Variants in ZNF697 observed in about 807,000 individuals in gnomAD.
ZNF697 encodes the protein zinc finger protein 697.
ZNF697 carries 23 observed loss-of-function variants against 32.4 expected under a neutral mutation model. That is an observed-to-expected ratio of 0.71 (90% confidence interval 0.51 to 1.01). The LOEUF (loss-of-function observed/expected upper bound fraction) is 1.01. Among genes scored for constraint, ZNF697 ranks in the 50% least tolerant of loss-of-function variants. ZNF697 has a pLI of 0.00. For missense variants in ZNF697, 930 were observed against 794.0 expected, an observed-to-expected ratio of 1.17 and a Z score of -2.06; for synonymous variants, 418 against 337.2, an observed-to-expected ratio of 1.24 and a Z score of -2.62.
intron 1 of ZNF697, among the ~76,000 whole-genome samples, chr1:119,630,299 CATT>C (rs1648725219): frequency 6.6e-6 from 1 of 152,258 alleles, no homozygotes; most frequent in Admixed American, 6.5e-5. Context: ...AGGAAGGCAT[CATT>C]GTCAGTTTCA....
rs1338175002 is a variant in ZNF697, at chr1:119,620,293, G to A, written c.*2412C>T. ...ACATTAGCTTCACTCTCCACTCCCT[G>A]TTGAACCCATTCTCTAAAGTTGCTG... On this transcript the variant is annotated 3_prime_UTR_variant, in exon 3 of 3. Transcript: ENST00000421812. 7.2e-5 allele frequency: 11 copies of A among 152,456 alleles called. No homozygotes were observed. The highest frequency in any genetic ancestry group is 2.7e-4 in the African/African-American group (11 of 41,396). 9.4% of individuals were successfully genotyped at this position (152,456 alleles called of 1,614,324 possible).
rs989884552 is a variant in ZNF697, at chr1:119,620,534, A to C, written c.*2171T>G. The C allele has an allele frequency of 6.5e-6, 1 of 152,678 alleles. No homozygotes were observed. Among genetic ancestry groups the C allele is most frequent in the Admixed American group, 6.5e-5 (1 of 15,280 alleles). The allele number at this position is 152,678 out of a possible 1,614,324, so 9.5% of individuals were successfully genotyped here. A position where few individuals can be genotyped will look rare whatever the true frequency, so the allele number is the denominator to read the frequency against. On this transcript the variant is annotated 3_prime_UTR_variant, in exon 3 of 3. Coordinates refer to ENST00000421812, the MANE Select transcript of ZNF697 (RefSeq NM_001080470.2). Reference sequence around the variant, plus strand: ...CCTAGAAATTGGCTATATTATTTTCAGGTGGGTCTAATATGTTTAGTATTC... The same window carrying C: ...CCTAGAAATTGGCTATATTATTTTCCGGTGGGTCTAATATGTTTAGTATTC...
chr1:119,622,843 CT>C lies in ZNF697; in HGVS notation c.1499del (p.Lys500ArgfsTer9). On this transcript the variant is annotated frameshift_variant, in exon 3 of 3. Coordinates refer to ENST00000421812, the MANE Select transcript of ZNF697 (RefSeq NM_001080470.2). LOFTEE classifies it high-confidence loss of function. ...EKPYTCIECG[K>X]SFIQSSHLIR... ...TCAGGTGGGAGCTCTGGATAAAGCT[CT>C]TGCCGCACTCGATGCACGTGTAGGG... 1 of 1,607,672 alleles carries C rather than the reference CT, an allele frequency of 6.2e-7. No homozygotes were observed. Among genetic ancestry groups the C allele is most frequent in the Non-Finnish European group, 8.5e-7 (1 of 1,176,758 alleles).
At chr1:119,624,447 G>T (rs1648511281) in intron 2 of ZNF697, among the ~76,000 whole-genome samples, 1 of 152,184 alleles carries the variant, frequency 6.6e-6, no homozygotes, top group Non-Finnish European at 1.5e-5. Flanking sequence ...TGTGCCAGGT[G>T]GGACACTACG....
Position 119,624,007 on chromosome 1 carries a change from T to C in ZNF697, c.336A>G (p.Ile112Met), listed in dbSNP as rs764047892. Residue 112 changes from isoleucine to methionine, a missense_variant, in exon 3 of 3, where the codon ATA becomes ATG. Ile to Met is a conservative substitution (Grantham distance 10, BLOSUM62 1). Coordinates refer to ENST00000421812, the MANE Select transcript of ZNF697 (RefSeq NM_001080470.2). ...CGTCGTCCTCCCGGAGGCTCCGGGA[T>C]ATGCTGTCAGACTCAGACAGTCCTG... Reference protein sequence around the residue: ...MFPGLSESDSISRSLREDDDE... With the variant: ...MFPGLSESDSMSRSLREDDDE... The C allele has an allele frequency of 4.3e-6, 7 of 1,613,128 alleles. No homozygotes were observed.
intron 1 of ZNF697, among the ~76,000 whole-genome samples, chr1:119,635,113 A>G (rs1270819364): frequency 1.3e-5 from 2 of 152,196 alleles, no homozygotes; most frequent in African/African-American, 2.4e-5. Flanking sequence ...CTACTTTTAT[A>G]TATTTACTAG....
At chr1:119,639,571 C>T (rs587771555) in intron 1 of ZNF697, among the ~76,000 whole-genome samples, 1 of 152,126 alleles carries the variant, frequency 6.6e-6, no homozygotes, top group Admixed American at 6.6e-5. Flanking sequence ...GCAGCAGCAC[C>T]TGTAATGGTT....
intron 1 of ZNF697, among the ~76,000 whole-genome samples, chr1:119,629,741 T>G (rs919869824): frequency 1.3e-5 from 2 of 152,100 alleles, no homozygotes; most frequent in African/African-American, 4.8e-5. Flanking sequence ...CATTCTAAAT[T>G]GGGGGTCACC....
chr1:119,620,263 A>C lies in ZNF697; in HGVS notation c.*2442T>G, dbSNP rs1648269147. 6.6e-6 allele frequency: 1 copy of C among 152,546 alleles called. No homozygotes were observed. The highest frequency in any genetic ancestry group is 1.5e-5 in the Non-Finnish European group (1 of 68,030). 9.4% of individuals were successfully genotyped at this position (152,546 alleles called of 1,614,324 possible). On this transcript the variant is annotated 3_prime_UTR_variant, in exon 3 of 3. Coordinates refer to ENST00000421812, the MANE Select transcript of ZNF697 (RefSeq NM_001080470.2). ...CAAAGATTCCCACTGCCACTAAACTATTTTACATTAGCTTCACTCTCCACT... is the reference window on the plus strand; with the variant it reads ...CAAAGATTCCCACTGCCACTAAACTCTTTTACATTAGCTTCACTCTCCACT...
intron 2 of ZNF697, among the ~76,000 whole-genome samples, chr1:119,624,668 C>T (rs1050524756): frequency 3.9e-5 from 6 of 152,138 alleles, no homozygotes; most frequent in African/African-American, 7.2e-5. Flanking sequence ...AATCTTGGCT[C>T]ACTGCAACCT....
At position 119,622,770 on chromosome 1, in the gene ZNF697, C is replaced by A; in HGVS notation, c.1573G>T (p.Gly525Cys). The change falls in exon 3 of 3, where the codon GGC (glycine) becomes TGC (cysteine). Residue 525 changes from glycine (G) to cysteine (C), a missense_variant. Physicochemically the swap from Gly to Cys is radical, Grantham distance 159. Coordinates refer to ENST00000421812, the MANE Select transcript of ZNF697 (RefSeq NM_001080470.2). The part of the protein sequence containing the change: ...HTGNKPHKCA[G>C]CGKGFRYKTH... ...TTATAGCGGAAGCCTTTGCCGCAGCCCGCACACTTGTGCGGCTTGTTGCCC... is the reference window on the plus strand; with the variant it reads ...TTATAGCGGAAGCCTTTGCCGCAGCACGCACACTTGTGCGGCTTGTTGCCC... 6.3e-7 allele frequency: 1 copy of A among 1,588,772 alleles called. No individual in the cohort carries two copies. Among genetic ancestry groups the A allele is most frequent in the African/African-American group, 1.3e-5 (1 of 74,450 alleles).
intron 1 of ZNF697, among the ~76,000 whole-genome samples, chr1:119,627,810 G>A (rs1317035072): frequency 6.6e-6 from 1 of 152,056 alleles, no homozygotes. Context: ...CCAACATTTG[G>A]AGATTTCTTG....
At chr1:119,643,628 C>T (rs957269266) in intron 1 of ZNF697, among the ~76,000 whole-genome samples, 9 of 152,188 alleles carry the variant, frequency 5.9e-5, no homozygotes, top group Non-Finnish European at 1.3e-4. Flanking sequence ...CTTCCTTCCT[C>T]TCCCCAGCCT....
At position 119,623,249 on chromosome 1, in the gene ZNF697, C is replaced by G. The variant is rs767474250; in HGVS notation, c.1094G>C (p.Arg365Pro). The change falls in exon 3 of 3, where the codon CGT becomes CCT. Residue 365 changes from arginine to proline, a missense_variant. Arg to Pro is a moderately radical substitution (Grantham distance 103). Coordinates refer to ENST00000421812, the MANE Select transcript of ZNF697 (RefSeq NM_001080470.2). ...GCGCTGGTGGTTGGCCAGGTGCGAACGGCGCACGAAGCCCTTGCCGCACTC... is the reference window on the plus strand; with the variant it reads ...GCGCTGGTGGTTGGCCAGGTGCGAAGGGCGCACGAAGCCCTTGCCGCACTC... Reference protein sequence around the residue: ...CGECGKGFVRRSHLANHQRIH... With the variant: ...CGECGKGFVRPSHLANHQRIH... 2 of 1,556,598 alleles carry G rather than the reference C, an allele frequency of 1.3e-6. No individual in the cohort carries two copies. Among genetic ancestry groups the G allele is most frequent in the East Asian group, 2.4e-5 (1 of 42,210 alleles).
chr1:119,637,395 G>C (rs1398692129), intron 1 of ZNF697, among the ~76,000 whole-genome samples: 1 of 152,198 alleles, frequency 6.6e-6, no homozygotes, highest in Non-Finnish European at 1.5e-5. Context: ...CCCGGTGGCA[G>C]GGACAGCACC....
At chr1:119,637,923 G>A (rs587649847) in intron 1 of ZNF697, among the ~76,000 whole-genome samples, 4 of 151,848 alleles carry the variant, frequency 2.6e-5, no homozygotes, top group South Asian at 2.1e-4. Context: ...AAAAGTCATC[G>A]TCTGTGTGTG....
chr1:119,626,422 GT>G (rs1296587896), intron 1 of ZNF697, among the ~76,000 whole-genome samples: 1 of 152,216 alleles, frequency 6.6e-6, no homozygotes, highest in African/African-American at 2.4e-5. Context: ...TGGTTTTATA[GT>G]TTAACAGTGA....
chr1:119,629,567 G>T (rs1648702731), intron 1 of ZNF697, among the ~76,000 whole-genome samples: 1 of 152,200 alleles, frequency 6.6e-6, no homozygotes, highest in Admixed American at 6.5e-5. Flanking sequence ...CTCAGATTCT[G>T]CATCCATAAG....
In ZNF697 at chr1:119,620,441, T is replaced by G. The variant is rs1348309087; in HGVS notation, c.*2264A>C. On this transcript the variant is annotated 3_prime_UTR_variant, in exon 3 of 3. Transcript: ENST00000421812. Reference sequence around the variant, plus strand: ...GGATGAGATTTCATAGGCACAGACTTGAGAAAACTTAAAACAGCTGGAAGA... The same window carrying G: ...GGATGAGATTTCATAGGCACAGACTGGAGAAAACTTAAAACAGCTGGAAGA... The G allele has an allele frequency of 6.6e-6, 1 of 152,542 alleles. No individual in the cohort carries two copies. The highest frequency in any genetic ancestry group is 6.5e-5 in the Admixed American group (1 of 15,278). The allele number at this position is 152,542 out of a possible 1,614,324, so 9.4% of individuals were successfully genotyped here. A position where few individuals can be genotyped will look rare whatever the true frequency, so the allele number is the denominator to read the frequency against.
Sources: allele counts gnomAD v4.1 joint callset (sites outside exome capture counted in the v4.1 genomes callset), GRCh38; gene constraint gnomAD v4.1.1; transcripts MANE v1.5; gene names NCBI Gene and HGNC (gene_info 2026-07-23, HGNC 2026-07-21).